TEX9: variants seen among roughly 807,000 people sequenced by gnomAD.
TEX9 encodes the protein testis expressed 9.
In TEX9, 74 loss-of-function variants were observed where a neutral mutation model predicts 59.6. The ratio of observed to expected loss-of-function variants is 1.24; its 90% CI spans 1.03 to 1.51. TEX9 has a LOEUF of 1.51. TEX9 is among the 40% of genes most tolerant of loss of function. The probability of loss-of-function intolerance (pLI) is 0.00; values close to 1 mark genes in which losing one functional copy is unlikely to be tolerated. For missense variants in TEX9, 522 were observed against 447.8 expected (o/e 1.17, Z -1.49); for synonymous variants, 186 against 152.2 (o/e 1.22, Z -1.64).
At chr15:56,435,298 T>C (rs1473756041) in intron 12 of TEX9, among the ~76,000 whole-genome samples, 1 of 151,534 alleles carries the variant, frequency 6.6e-6, no homozygotes, top group African/African-American at 2.4e-5. Context: ...ACCCAAAATA[T>C]GCAGAAGGAA....
chr15:56,247,554 A>G (rs1567061057), intron 1 of TEX9, among the ~76,000 whole-genome samples: 1 of 152,206 alleles, frequency 6.6e-6, no homozygotes, highest in Non-Finnish European at 1.5e-5. Flanking sequence ...CTGTTTGCTG[A>G]AGGAATAATG....
chr15:56,297,264 C>T (rs902335222), intron 1 of TEX9, among the ~76,000 whole-genome samples: 2 of 152,042 alleles, frequency 1.3e-5, no homozygotes, highest in African/African-American at 4.8e-5. Context: ...GAAGTAAAAA[C>T]TAATATCTTA....
chr15:56,389,284 T>C, intron 5 of TEX9, 34 bp from the exon 6 acceptor site: 1 of 1,539,600 alleles, frequency 6.5e-7, no homozygotes, highest in African/African-American at 1.4e-5. Flanking sequence ...GATTAGACTC[T>C]AATTAGTCAA....
intron 1 of TEX9, among the ~76,000 whole-genome samples, chr15:56,256,913 T>A (rs1421378606): frequency 2.0e-5 from 3 of 151,552 alleles, no homozygotes; most frequent in Non-Finnish European, 4.4e-5. Flanking sequence ...CATTACTTAT[T>A]TTTTTTTGAT....
intron 12 of TEX9, among the ~76,000 whole-genome samples, chr15:56,445,486 G>T (rs1219151132): frequency 6.6e-6 from 1 of 151,988 alleles, no homozygotes; most frequent in Non-Finnish European, 1.5e-5. Flanking sequence ...TATGAATACT[G>T]AATGTCATTC....
At chr15:56,450,773 A>G (rs2050942062), downstream of TEX9, among the ~76,000 whole-genome samples, 1 of 152,122 alleles carries the variant, frequency 6.6e-6, no homozygotes, top group Admixed American at 6.5e-5. Flanking sequence ...TATGCCTAGG[A>G]GTGGAATTGC....
chr15:56,272,943 TTTTG>T lies in TEX9; in HGVS notation c.-107+28668_-107+28671del, dbSNP rs2044577432. ...ATTTATTTATTTATTTATTTATTTT[TTTTG>T]TTGTTGTTGTTGTTGTTGAGACAGA... On this transcript the variant is annotated intron_variant, in intron 1 of 5. Coordinates refer to the TEX9 transcript ENST00000560827. 8.3e-5 allele frequency among the ~76,000 whole-genome samples: 12 copies of T among 145,034 alleles called. No individual in the cohort carries two copies. The East Asian group carries it at 2.4e-3, about 29-fold the overall frequency.
At chr15:56,383,984 T>A in exon 4 of TEX9, 1 of 1,612,868 alleles carries the variant, frequency 6.2e-7, no homozygotes, top group Non-Finnish European at 8.5e-7. Context: ...CTAGGCCTGT[T>A]TCAACACAAA....
chr15:56,418,471 C>CT (rs564272339), intron 10 of TEX9, among the ~76,000 whole-genome samples: 2,941 of 142,914 alleles, frequency 0.021, 154 homozygotes, highest in African/African-American at 0.072. Context: ...TTCTTGAGGG[C>CT]TTTTTTTTTT....
At chr15:56,335,329 G>A (rs568900820) in intron 1 of TEX9, among the ~76,000 whole-genome samples, 151 of 152,208 alleles carry the variant, frequency 9.9e-4, no homozygotes, top group African/African-American at 3.4e-3. Context: ...AAAAGAATGA[G>A]ATCTTCCCAT....
At chr15:56,351,367 G>A (rs1325052107) in intron 1 of TEX9, among the ~76,000 whole-genome samples, 1 of 152,160 alleles carries the variant, frequency 6.6e-6, no homozygotes, top group Admixed American at 6.5e-5. Flanking sequence ...GCAATTACAA[G>A]GGAGTTAGAA....
At chr15:56,354,251 C>T (rs778950655) in intron 1 of TEX9, among the ~76,000 whole-genome samples, 9 of 152,212 alleles carry the variant, frequency 5.9e-5, no homozygotes, top group Non-Finnish European at 1.0e-4. Context: ...ACATCAGCCA[C>T]ATCTGCAATG....
At chr15:56,406,767 A>T (rs984842210) in intron 9 of TEX9, among the ~76,000 whole-genome samples, 1 of 151,850 alleles carries the variant, frequency 6.6e-6, no homozygotes, top group South Asian at 2.1e-4. Flanking sequence ...ATTTGTTCAA[A>T]TTTTTTGCCC....
chr15:56,307,652 A>T (rs2045514626), intron 1 of TEX9, among the ~76,000 whole-genome samples: 1 of 152,190 alleles, frequency 6.6e-6, no homozygotes, highest in Non-Finnish European at 1.5e-5. Flanking sequence ...GTATTTGTGG[A>T]GTTGCACAAT....
chr15:56,285,428 T>G (rs2044930414), intron 1 of TEX9, among the ~76,000 whole-genome samples: 1 of 152,162 alleles, frequency 6.6e-6, no homozygotes, highest in East Asian at 1.9e-4. Flanking sequence ...TATAGCTTTT[T>G]GGGCTACAAT....
At chr15:56,336,415 T>G (rs919563881) in intron 1 of TEX9, among the ~76,000 whole-genome samples, 11 of 152,126 alleles carry the variant, frequency 7.2e-5, no homozygotes, top group African/African-American at 2.7e-4. Context: ...CCATGTTATA[T>G]CTCCCAATAT....
At chr15:56,371,576 G>A (rs1298017126) in intron 2 of TEX9, among the ~76,000 whole-genome samples, 9 of 151,326 alleles carry the variant, frequency 5.9e-5, no homozygotes, top group African/African-American at 2.2e-4. Flanking sequence ...CTCTCTTTCA[G>A]TGGCTTGTTT....
intron 12 of TEX9, chr15:56,434,458 G>T: frequency 1.4e-6 from 2 of 1,469,434 alleles, no homozygotes; most frequent in South Asian, 1.3e-5. Context: ...TATAAGGAAA[G>T]AGTGATAGAG....
At chr15:56,284,005 A>C (rs778688025) in intron 1 of TEX9, among the ~76,000 whole-genome samples, 4 of 152,246 alleles carry the variant, frequency 2.6e-5, no homozygotes, top group Non-Finnish European at 4.4e-5. Flanking sequence ...ACAGATTTTT[A>C]ACAATCGATA....
Sources: gnomAD v4.1 joint callset for allele counts (sites outside exome capture counted in the v4.1 genomes callset) on GRCh38, gnomAD v4.1.1 for gene constraint, MANE v1.5 for transcripts, NCBI Gene and HGNC (gene_info 2026-07-23, HGNC 2026-07-21) for gene names.